KMT5A: variants seen among roughly 807,000 people sequenced by gnomAD.
KMT5A encodes the protein lysine methyltransferase 5A.
A neutral mutation model predicts 40.6 loss-of-function variants in KMT5A; 6 were observed. The observed-to-expected ratio is 0.15, with a 90% CI of 0.08 to 0.29. The LOEUF (loss-of-function observed/expected upper bound fraction) is 0.29. Among genes scored for constraint, KMT5A ranks in the 10% least tolerant of loss-of-function variants. KMT5A has a pLI of 1.00. For synonymous variants in KMT5A, 153 were observed against 178.8 expected, an observed-to-expected ratio of 0.86 and a Z score of 1.15; for missense variants, 308 against 459.1, an observed-to-expected ratio of 0.67 and a Z score of 3.01.
At position 123,404,881 on chromosome 12, in the gene KMT5A, C is replaced by T. The variant is rs780898785; in HGVS notation, c.658-3C>T. On this transcript the variant is annotated splice_region_variant and splice_polypyrimidine_tract_variant and intron_variant, in intron 6 of 7. Transcript: ENST00000402868. ...ACCAACACCCTCTCTTATCACCTGACAGATTGACCTCATCGATGGCAAAGG... is the reference window on the plus strand; with the variant it reads ...ACCAACACCCTCTCTTATCACCTGATAGATTGACCTCATCGATGGCAAAGG... The T allele has an allele frequency of 9.3e-6, 15 of 1,610,858 alleles. No homozygotes were observed. The highest frequency in any genetic ancestry group is 1.3e-5 in the Non-Finnish European group (15 of 1,178,948).
chr12:123,384,568 G>A lies in KMT5A; in HGVS notation c.10+360G>A, dbSNP rs961337777. 5.3e-5 allele frequency among the ~76,000 whole-genome samples: 8 copies of A among 152,274 alleles called. No homozygotes were observed. The highest frequency in any genetic ancestry group is 1.0e-4 in the Non-Finnish European group (7 of 68,044). ...TGATAGAAGTGGGGCGGGGGCAGGA[G>A]TGAGGCTTCGCCCACTTTGGGGCCC... is the stretch of plus-strand genomic sequence containing the variant. On this transcript the variant is annotated intron_variant, in intron 1 of 7. Transcript: ENST00000402868. This position sits in a 1 kb window ranked among gnomAD's most constrained non-coding sequence, Gnocchi z 5.7.
chr12:123,396,244 C>T, intron 4 of KMT5A, 101 bp from the exon 5 acceptor site: 1 of 1,086,376 alleles, frequency 9.2e-7, no homozygotes, highest in Non-Finnish European at 1.4e-6. Flanking sequence ...ACATCATCTC[C>T]AAGGAGCTGT....
chr12:123,408,666 AC>A lies in KMT5A; in HGVS notation c.*964del, dbSNP rs1878771712. On this transcript the variant is annotated 3_prime_UTR_variant, in exon 8 of 8. Transcript: ENST00000402868. ...AAGTTTTGTAGTGGGACCAGAAATT[AC>A]TTACCTGACATCCACCCCCATTCCC... 6.7e-6 allele frequency: 1 copy of A among 148,508 alleles called. No individual in the cohort carries two copies. The highest frequency in any genetic ancestry group is 1.5e-5 in the Non-Finnish European group (1 of 67,524). The allele number at this position is 148,508 out of a possible 1,614,324, so 9.2% of individuals were successfully genotyped here. A position where few individuals can be genotyped will look rare whatever the true frequency, so the allele number is the denominator to read the frequency against.
At chr12:123,392,278 G>T (rs897906485) in intron 3 of KMT5A, among the ~76,000 whole-genome samples, 1 of 152,090 alleles carries the variant, frequency 6.6e-6, no homozygotes, top group African/African-American at 2.4e-5. Context: ...TTAAAATAGG[G>T]CAGTCTATAC....
In KMT5A at chr12:123,407,970, T is replaced by G. The variant is rs1878682651; in HGVS notation, c.*267T>G. On this transcript the variant is annotated 3_prime_UTR_variant, in exon 8 of 8. Coordinates refer to ENST00000402868, the MANE Select transcript of KMT5A (RefSeq NM_020382.7). ...TTTTTTTGCATACAAGCCGAACGTT[T>G]GTGCTTCCCGTGCATGCAGTCAAAG... 1 of 423,690 alleles carries G rather than the reference T, an allele frequency of 2.4e-6. No homozygotes were observed. The highest frequency in any genetic ancestry group is 4.3e-6 in the Non-Finnish European group (1 of 232,382). The allele number at this position is 423,690 out of a possible 1,614,324, so 26.2% of individuals were successfully genotyped here. A position where few individuals can be genotyped will look rare whatever the true frequency, so the allele number is the denominator to read the frequency against.
intron 3 of KMT5A, among the ~76,000 whole-genome samples, chr12:123,392,014 G>C (rs1243570927): frequency 2.0e-5 from 3 of 152,190 alleles, no homozygotes; most frequent in Non-Finnish European, 4.4e-5. Context: ...GGCTTAGATA[G>C]GTTGCTGCTC....
rs1878782295 is a variant in KMT5A at position 123,408,750 on chromosome 12, G to C, written c.*1047G>C. On this transcript the variant is annotated 3_prime_UTR_variant, in exon 8 of 8. Transcript: ENST00000402868. The stretch of plus-strand genomic sequence containing the variant: ...TGCTGTCGAGGCCTTGTGTTTGTCA[G>C]ACACCCAGTGTCCTCCTGCAAGGAC... 1 of 152,516 alleles carries C rather than the reference G, an allele frequency of 6.6e-6. No individual in the cohort carries two copies. The highest frequency in any genetic ancestry group is 2.1e-4 in the South Asian group (1 of 4,828). The allele number at this position is 152,516 out of a possible 1,614,324, so 9.4% of individuals were successfully genotyped here.
Position 123,409,312 on chromosome 12 carries a change from A to G in KMT5A, c.*1609A>G, listed in dbSNP as rs933729325. The G allele has an allele frequency of 1.4e-4, 21 of 152,668 alleles. No homozygotes were observed. Among genetic ancestry groups the G allele is most frequent in the Non-Finnish European group, 2.5e-4 (17 of 68,048 alleles). The allele number at this position is 152,668 out of a possible 1,614,324, so 9.5% of individuals were successfully genotyped here. Reference sequence around the variant, plus strand: ...GAAATAAACTTGAAAATTATTTGTCATCATAAAAATGAAACAAATTAAAAT... The same window carrying G: ...GAAATAAACTTGAAAATTATTTGTCGTCATAAAAATGAAACAAATTAAAAT... On this transcript the variant is annotated 3_prime_UTR_variant, in exon 8 of 8. Transcript: ENST00000402868.
chr12:123,404,740 T>G (rs1010144015), intron 6 of KMT5A, 144 bp from the exon 7 acceptor site: 1 of 741,952 alleles, frequency 1.3e-6, no homozygotes, highest in South Asian at 2.0e-5. Flanking sequence ...CCCATCAGCC[T>G]GTACATGTAA....
At chr12:123,393,329 C>A (rs1357188918) in intron 3 of KMT5A, among the ~76,000 whole-genome samples, 1 of 152,116 alleles carries the variant, frequency 6.6e-6, no homozygotes, top group African/African-American at 2.4e-5. Flanking sequence ...TTCCATCACC[C>A]CAGAAAGGTA....
chr12:123,402,052 A>G (rs1421811053), intron 5 of KMT5A, among the ~76,000 whole-genome samples: 1 of 151,964 alleles, frequency 6.6e-6, no homozygotes, highest in African/African-American at 2.4e-5. Flanking sequence ...CACCTAGCTT[A>G]TTTATTTTTT....
At chr12:123,390,054 G>C (rs957656027) in intron 2 of KMT5A, 1 of 468,102 alleles carries the variant, frequency 2.1e-6, no homozygotes, top group Non-Finnish European at 4.4e-6. Flanking sequence ...GAATGCGCTG[G>C]CTGTGGCTCC....
At chr12:123,398,538 C>T (rs1017251099) in intron 5 of KMT5A, among the ~76,000 whole-genome samples, 33 of 152,234 alleles carry the variant, frequency 2.2e-4, no homozygotes, top group African/African-American at 7.7e-4. Context: ...AGCAGATGAG[C>T]AGAAGGGAAG....
chr12:123,397,915 C>G (rs147935170), intron 5 of KMT5A, among the ~76,000 whole-genome samples: 1 of 151,146 alleles, frequency 6.6e-6, no homozygotes, highest in Non-Finnish European at 1.5e-5. Context: ...TCGGGTGATC[C>G]GCCCACCTCA....
chr12:123,386,820 C>G (rs1876898664), intron 1 of KMT5A, among the ~76,000 whole-genome samples: 1 of 152,020 alleles, frequency 6.6e-6, no homozygotes, highest in Non-Finnish European at 1.5e-5. Context: ...GTTCATTATC[C>G]CTTAGCACCT....
At chr12:123,394,562 TGGGGCTTCAACCCCA>T (rs1418468900) in intron 3 of KMT5A, among the ~76,000 whole-genome samples, 2 of 152,204 alleles carry the variant, frequency 1.3e-5, no homozygotes, top group Non-Finnish European at 2.9e-5. Flanking sequence ...GCTGTGAACC[TGGGGCTTCAACCCCA>T]CTAGAAGGGG....
At chr12:123,386,022 A>T (rs1417815334) in intron 1 of KMT5A, among the ~76,000 whole-genome samples, 1 of 151,924 alleles carries the variant, frequency 6.6e-6, no homozygotes, top group South Asian at 2.1e-4. Flanking sequence ...TGCTTGTGCC[A>T]CCCAACCTCC....
At position 123,389,566 on chromosome 12, in the gene KMT5A, C is replaced by A. The variant is rs1034191612; in HGVS notation, c.132+12C>A. 5 of 1,082,428 alleles carry A rather than the reference C, an allele frequency of 4.6e-6. No individual in the cohort carries two copies. The African/African-American group carries it at 8.5e-5, about 18-fold the overall frequency. The allele number at this position is 1,082,428 out of a possible 1,614,324, so 67.1% of individuals were successfully genotyped here. A position where few individuals can be genotyped will look rare whatever the true frequency, so the allele number is the denominator to read the frequency against. On this transcript the variant is annotated intron_variant, in intron 2 of 7. Coordinates refer to ENST00000402868, the MANE Select transcript of KMT5A (RefSeq NM_020382.7). ...CCCGCACCGACGGGGTAAGCAGGCA[C>A]CCTCCCCGCACCCCTGCGGCGCGCC... is the stretch of plus-strand genomic sequence containing the variant.
rs776741332 is a variant in KMT5A at position 123,384,220 on chromosome 12, A to G, written c.10+12A>G. On this transcript the variant is annotated intron_variant, in intron 1 of 7. Transcript: ENST00000402868. This position sits in a 1 kb window ranked among gnomAD's most constrained non-coding sequence, Gnocchi z 5.7. ...AGCCATGGCTAGAGGTATTTGCCCAAGTGGCCGGCACCGGAGCGGCTGGGT... is the reference window on the plus strand; with the variant it reads ...AGCCATGGCTAGAGGTATTTGCCCAGGTGGCCGGCACCGGAGCGGCTGGGT... 1 of 1,613,264 alleles carries G rather than the reference A, an allele frequency of 6.2e-7. No homozygotes were observed. The highest frequency in any genetic ancestry group is 8.5e-7 in the Non-Finnish European group (1 of 1,179,662).
Sources: allele counts gnomAD v4.1 joint callset (sites outside exome capture counted in the v4.1 genomes callset), GRCh38; gene constraint gnomAD v4.1.1; non-coding constraint Gnocchi (gnomAD v3.1); transcripts MANE v1.5; gene names NCBI Gene and HGNC (gene_info 2026-07-23, HGNC 2026-07-21).